IL1RAPL1: variants seen among roughly 807,000 people sequenced by gnomAD.
The protein encoded by IL1RAPL1 is interleukin 1 receptor accessory protein like 1.
Under a neutral mutation model 48.4 loss-of-function variants are expected in IL1RAPL1, and 3 were observed. That is an observed-to-expected ratio of 0.06 (90% CI 0.03 to 0.16). The LOEUF (loss-of-function observed/expected upper bound fraction) is 0.16. Ranked by LOEUF, IL1RAPL1 falls within the 10% of genes least tolerant of loss-of-function variation. The probability of loss-of-function intolerance (pLI) is 1.00; values close to 1 mark genes in which losing one functional copy is unlikely to be tolerated. For synonymous variants in IL1RAPL1, 185 were observed against 187.7 expected (o/e 0.99, Z 0.12); for missense variants, 349 against 530.6 (o/e 0.66, Z 3.36).
At chrX:29,687,292 T>C (rs781645475) in intron 6 of IL1RAPL1, among the ~76,000 whole-genome samples, 76 of 112,298 alleles carry the variant, frequency 6.8e-4, no homozygotes, top group African/African-American at 2.3e-3. Context: ...AAATATGTTG[T>C]ATATACACAA....
chrX:29,716,414 C>T (rs1253198228), intron 6 of IL1RAPL1, among the ~76,000 whole-genome samples: 1 of 111,494 alleles, frequency 9.0e-6, no homozygotes, highest in African/African-American at 3.3e-5. Context: ...TTATCCTATT[C>T]CTCCCAACAG....
chrX:29,421,073 A>G (rs989320757), intron 5 of IL1RAPL1, among the ~76,000 whole-genome samples: 6 of 112,008 alleles, frequency 5.4e-5, no homozygotes, highest in Non-Finnish European at 9.4e-5. Context: ...TTTAAAGTCA[A>G]AAGCTTCAAA....
chrX:28,903,424 CTTTTTTTTTT>C (rs199661606), intron 2 of IL1RAPL1, among the ~76,000 whole-genome samples: 1 of 100,135 alleles, frequency 1.0e-5, no homozygotes, highest in Non-Finnish European at 2.0e-5. Context: ...TTCTTTCTTT[CTTTTTTTTTT>C]TTTTTTGTTT....
chrX:29,333,807 C>T (rs1345893596), intron 3 of IL1RAPL1, among the ~76,000 whole-genome samples: 5 of 74,471 alleles, frequency 6.7e-5, no homozygotes, highest in Non-Finnish European at 1.1e-4. Flanking sequence ...GACCCCCCCC[C>T]CCGCCTCCCT....
At chrX:29,385,221 G>A (rs1046248464) in intron 3 of IL1RAPL1, among the ~76,000 whole-genome samples, 3 of 112,054 alleles carry the variant, frequency 2.7e-5, no homozygotes, top group Admixed American at 9.5e-5. Context: ...TTGGGAGGCC[G>A]CAGTGGGTGG....
At chrX:29,537,640 A>C (rs1921281103) in intron 5 of IL1RAPL1, among the ~76,000 whole-genome samples, 1 of 109,578 alleles carries the variant, frequency 9.1e-6, no homozygotes, top group Non-Finnish European at 1.9e-5. Context: ...AAAAAAAAAA[A>C]CAACCTGGTG....
intron 2 of IL1RAPL1, among the ~76,000 whole-genome samples, chrX:29,266,721 C>T (rs751687788): frequency 9.0e-6 from 1 of 111,563 alleles, no homozygotes; most frequent in East Asian, 2.8e-4. Flanking sequence ...AATTTCTCTA[C>T]TTTTTCTAAG....
At chrX:29,326,018 C>T (rs1400194575) in intron 3 of IL1RAPL1, among the ~76,000 whole-genome samples, 1 of 111,859 alleles carries the variant, frequency 8.9e-6, no homozygotes, top group Non-Finnish European at 1.9e-5. Context: ...AAACACCTAC[C>T]ACTAGGCCCC....
intron 5 of IL1RAPL1, among the ~76,000 whole-genome samples, chrX:29,618,957 C>T (rs868591843): frequency 9.0e-6 from 1 of 111,705 alleles, no homozygotes; most frequent in Non-Finnish European, 1.9e-5. Flanking sequence ...AGATGGAACT[C>T]TTGTAGGTCT....
chrX:29,277,791 G>A (rs1410226657), intron 2 of IL1RAPL1, among the ~76,000 whole-genome samples: 1 of 112,000 alleles, frequency 8.9e-6, no homozygotes, highest in African/African-American at 3.2e-5. Flanking sequence ...TATATAATGA[G>A]ATATCTTGGA....
chrX:28,599,694 T>C (rs1054057006), intron 1 of IL1RAPL1, among the ~76,000 whole-genome samples: 9 of 112,032 alleles, frequency 8.0e-5, no homozygotes, highest in African/African-American at 2.9e-4. Flanking sequence ...ACACAGGCTG[T>C]AGATGCTCAA....
At chrX:29,383,823 A>T (rs963298480) in intron 3 of IL1RAPL1, among the ~76,000 whole-genome samples, 3 of 111,995 alleles carry the variant, frequency 2.7e-5, no homozygotes, top group African/African-American at 9.7e-5. Flanking sequence ...TCCCTTCCCC[A>T]AAAACCTAAC....
rs181989584 is a variant in IL1RAPL1 at position 29,101,736 on chromosome X, G to T, written c.83-181202G>T. ...GGATCACTTGAGGTCAGGAGTTCCA[G>T]ACCAGCCTGGCCAACACGGTGAAAC... On this transcript the variant is annotated intron_variant, in intron 2 of 10. Coordinates refer to ENST00000378993, the MANE Select transcript of IL1RAPL1 (RefSeq NM_014271.4). 5.5e-3 allele frequency among the ~76,000 whole-genome samples: 609 copies of T among 111,248 alleles called. 1 individual carries two copies. The highest frequency in any genetic ancestry group is 0.019 in the African/African-American group (575 of 30,639).
intron 2 of IL1RAPL1, among the ~76,000 whole-genome samples, chrX:29,125,345 A>G (rs964568069): frequency 1.3e-4 from 15 of 112,277 alleles, no homozygotes; most frequent in African/African-American, 4.5e-4. Flanking sequence ...TGGAGAAAGT[A>G]CAAAGGCTGT....
At chrX:29,761,757 G>A (rs1192188702) in intron 6 of IL1RAPL1, among the ~76,000 whole-genome samples, 1 of 101,290 alleles carries the variant, frequency 9.9e-6, no homozygotes, top group African/African-American at 3.6e-5. Flanking sequence ...TATATCACTT[G>A]ATGCACATCA....
intron 5 of IL1RAPL1, among the ~76,000 whole-genome samples, chrX:29,559,395 A>G (rs1466485394): frequency 3.6e-5 from 4 of 112,077 alleles, no homozygotes; most frequent in African/African-American, 1.3e-4. Flanking sequence ...ATTAACAAAA[A>G]ATTGGCATTA....
intron 2 of IL1RAPL1, among the ~76,000 whole-genome samples, chrX:28,915,928 T>C (rs982680083): frequency 9.2e-6 from 1 of 108,423 alleles, no homozygotes; most frequent in Non-Finnish European, 1.9e-5. Flanking sequence ...TATCTATCTA[T>C]CTATATATGT....
At chrX:28,868,266 T>A (rs892945972) in intron 2 of IL1RAPL1, among the ~76,000 whole-genome samples, 8 of 111,811 alleles carry the variant, frequency 7.2e-5, no homozygotes, top group Non-Finnish European at 1.5e-4. Context: ...TGTGTTGGAA[T>A]CCAGTTAGTC....
At chrX:29,830,655 G>A (rs1259105913) in intron 6 of IL1RAPL1, among the ~76,000 whole-genome samples, 1 of 110,393 alleles carries the variant, frequency 9.1e-6, no homozygotes, top group Non-Finnish European at 1.9e-5. Context: ...GTTTCACCAT[G>A]TTGGCCAGCC....
Sources: allele counts gnomAD v4.1 joint callset (sites outside exome capture counted in the v4.1 genomes callset), GRCh38; gene constraint gnomAD v4.1.1; transcripts MANE v1.5; gene names NCBI Gene and HGNC (gene_info 2026-07-23, HGNC 2026-07-21).